MAP4K5: variants seen among roughly 807,000 people sequenced by gnomAD.
MAP4K5 encodes the protein MAPK/ERK kinase kinase kinase 5.
In MAP4K5, 82 loss-of-function variants were observed where a neutral mutation model predicts 135.6. The observed-to-expected ratio is 0.60, with a 90% CI of 0.51 to 0.73. The LOEUF (loss-of-function observed/expected upper bound fraction) is 0.73. MAP4K5 is among the 30% of genes least tolerant of loss of function. The probability of loss-of-function intolerance (pLI) is 0.00; values close to 1 mark genes in which losing one functional copy is unlikely to be tolerated. For missense variants in MAP4K5, 907 were observed against 1,010.9 expected (o/e 0.90, Z 1.39); for synonymous variants, 347 against 335.0 (o/e 1.04, Z -0.39).
chr14:50,498,216 A>C (rs1387653955), intron 3 of MAP4K5, among the ~76,000 whole-genome samples: 1 of 152,156 alleles, frequency 6.6e-6, no homozygotes, highest in African/African-American at 2.4e-5. Flanking sequence ...GGCACTCTGG[A>C]TGTCTAATCA....
At chr14:50,548,663 C>T (rs2038664319) in intron 1 of MAP4K5, among the ~76,000 whole-genome samples, 1 of 152,134 alleles carries the variant, frequency 6.6e-6, no homozygotes. Context: ...GCACACACCG[C>T]CACGCCCAGC....
At chr14:50,433,038 T>C (rs1351455452) in intron 28 of MAP4K5, among the ~76,000 whole-genome samples, 7 of 152,102 alleles carry the variant, frequency 4.6e-5, no homozygotes, top group African/African-American at 1.4e-4. Flanking sequence ...GGTTTTACCA[T>C]GTTGGTCAGG....
Position 50,435,033 on chromosome 14 carries a change from A to G in MAP4K5, c.1915T>C (p.Cys639Arg), listed in dbSNP as rs1405194611. The change falls in exon 27 of 33, where the codon TGT becomes CGT. Residue 639 changes from cysteine (C) to arginine (R), a missense_variant. Physicochemically the swap from Cys to Arg is radical, Grantham distance 180. Coordinates refer to ENST00000682126, the MANE Select transcript of MAP4K5 (RefSeq NM_006575.6). ...RNPYTGHKYL[C>R]GALQSGIVLL... ...ACAATTCCAGACTGTAAAGCTCCAC[A>G]GAGGTATTTATGTCCCGTGTAAGGG... 6.2e-7 allele frequency: 1 copy of G among 1,611,174 alleles called. No individual in the cohort carries two copies. Among genetic ancestry groups the G allele is most frequent in the Admixed American group, 1.7e-5 (1 of 59,960 alleles).
At chr14:50,511,922 G>A (rs1270299291) in intron 2 of MAP4K5, among the ~76,000 whole-genome samples, 15 of 152,048 alleles carry the variant, frequency 9.9e-5, no homozygotes, top group Admixed American at 9.2e-4. Flanking sequence ...TGAAGCACAG[G>A]GGATTTTTAG....
At chr14:50,485,877 A>C in intron 4 of MAP4K5, 1 of 533,854 alleles carries the variant, frequency 1.9e-6, no homozygotes, top group Non-Finnish European at 3.3e-6. Flanking sequence ...ACTTGTAATC[A>C]CTTATGTTTC....
intron 11 of MAP4K5, among the ~76,000 whole-genome samples, chr14:50,465,566 G>A (rs1042415885): frequency 6.6e-6 from 1 of 152,122 alleles, no homozygotes; most frequent in African/African-American, 2.4e-5. Flanking sequence ...AAAACCAACA[G>A]AGATTGATTT....
At chr14:50,440,678 A>G (rs1468098757) in intron 21 of MAP4K5, among the ~76,000 whole-genome samples, 4 of 152,130 alleles carry the variant, frequency 2.6e-5, no homozygotes, top group African/African-American at 9.7e-5. Flanking sequence ...TTACTATATA[A>G]CCCTGCCTTT....
intron 1 of MAP4K5, among the ~76,000 whole-genome samples, chr14:50,558,015 T>C (rs921777606): frequency 3.3e-5 from 5 of 152,298 alleles, no homozygotes; most frequent in Non-Finnish European, 5.9e-5. Flanking sequence ...AAAAGAATGG[T>C]GATGCATAGC....
chr14:50,518,163 T>C (rs2038072855), intron 2 of MAP4K5, among the ~76,000 whole-genome samples: 1 of 152,220 alleles, frequency 6.6e-6, no homozygotes, highest in Admixed American at 6.5e-5. Context: ...ATCCTTATTA[T>C]TTAAATAAGA....
intron 10 of MAP4K5, chr14:50,468,250 A>G (rs2036876099): frequency 6.4e-6 from 1 of 155,040 alleles, no homozygotes; most frequent in African/African-American, 2.4e-5. Context: ...GAACATGAAG[A>G]CTCAAAAAGT....
chr14:50,448,685 ACTTTGTTTTCTAATCAAAGTACAACTAAC>A, intron 15 of MAP4K5, 60 bp downstream of exon 15: 1 of 706,224 alleles, frequency 1.4e-6, no homozygotes. Flanking sequence ...AGAGTATATT[ACTTTGTTTTCTAATCAAAGTACAACTAAC>A]AAAAAAAAAG....
At chr14:50,464,703 T>C (rs2036792288) in intron 11 of MAP4K5, among the ~76,000 whole-genome samples, 1 of 152,176 alleles carries the variant, frequency 6.6e-6, no homozygotes, top group African/African-American at 2.4e-5. Context: ...CAAAAAGGTA[T>C]TTCTACCATT....
chr14:50,531,954 C>G lies in MAP4K5; in HGVS notation c.96G>C (p.Gly32=). 1 of 1,599,918 alleles carries G rather than the reference C, an allele frequency of 6.3e-7. No homozygotes were observed. The highest frequency in any genetic ancestry group is 8.5e-7 in the Non-Finnish European group (1 of 1,173,156). Residue 32 remains glycine, a synonymous_variant, in exon 2 of 33, where the codon GGG becomes GGC. Coordinates refer to ENST00000682126, the MANE Select transcript of MAP4K5 (RefSeq NM_006575.6). ...LVQRVGSGTY[G]DVYKARNVHT... ...CAGCCTCACTTACCTTATAGACGTC[C>G]CCGTAGGTGCCGCTGCCGACCCTCT... is the stretch of plus-strand genomic sequence containing the variant.
Position 50,446,064 on chromosome 14 carries a change from C to A in MAP4K5, c.1185+15G>T, listed in dbSNP as rs768302812. The A allele has an allele frequency of 1.3e-6, 2 of 1,514,068 alleles. No homozygotes were observed. The highest frequency in any genetic ancestry group is 2.7e-5 in the South Asian group (2 of 74,722). 93.8% of individuals were successfully genotyped at this position (1,514,068 alleles called of 1,614,324 possible). On this transcript the variant is annotated intron_variant, in intron 17 of 32. Transcript: ENST00000682126. ...TAAATAAGGATTTAGTGTTCAAAAT[C>A]ATTAAGTAGCTCACCTTAGGAGGTA...
At chr14:50,505,565 T>C (rs1353473031) in intron 2 of MAP4K5, among the ~76,000 whole-genome samples, 16 of 152,150 alleles carry the variant, frequency 1.1e-4, no homozygotes, top group Non-Finnish European at 2.9e-5. Context: ...TTACTATAAT[T>C]AGCACTGCAA....
intron 3 of MAP4K5, among the ~76,000 whole-genome samples, chr14:50,489,677 ACCTTGTACTAG>A (rs1209621670): frequency 6.6e-6 from 1 of 152,182 alleles, no homozygotes; most frequent in Non-Finnish European, 1.5e-5. Context: ...GTGTCATGTG[ACCTTGTACTAG>A]CCAAAGGAAC....
rs1296277246 is a variant in MAP4K5, at chr14:50,532,000, T to C, written c.50A>G (p.Gln17Arg). Residue 17 changes from glutamine to arginine, a missense_variant, in exon 2 of 33, where the codon CAG (glutamine) becomes CGG (arginine). Transcript: ENST00000682126. ...PAADILRRNP[Q>R]QDYELVQRVG... The stretch of plus-strand genomic sequence containing the variant: ...CCTCTGGACGAGTTCGTAGTCCTGC[T>C]GCGGGTTCCGCCTCAGGATGTCCGC... 1 of 1,601,096 alleles carries C rather than the reference T, an allele frequency of 6.2e-7. No homozygotes were observed. The highest frequency in any genetic ancestry group is 8.5e-7 in the Non-Finnish European group (1 of 1,173,978).
chr14:50,478,235 T>C (rs555526911), intron 6 of MAP4K5, among the ~76,000 whole-genome samples: 2 of 152,162 alleles, frequency 1.3e-5, no homozygotes, highest in Non-Finnish European at 2.9e-5. Context: ...TTGTAAATTC[T>C]GTCTTGATAT....
chr14:50,560,430 C>A, intron 1 of MAP4K5: 2 of 1,220,842 alleles, frequency 1.6e-6, no homozygotes, highest in Non-Finnish European at 2.3e-6. Context: ...GGGCCGTAGC[C>A]GAGCCGCTCC....
Sources: allele counts gnomAD v4.1 joint callset (sites outside exome capture counted in the v4.1 genomes callset), GRCh38; gene constraint gnomAD v4.1.1; transcripts MANE v1.5; gene names NCBI Gene and HGNC (gene_info 2026-07-23, HGNC 2026-07-21).